MYO3B: variants seen among roughly 807,000 people sequenced by gnomAD.
MYO3B encodes the protein myosin IIIB.
MYO3B carries 156 observed loss-of-function variants against 174.6 expected under a neutral mutation model. The ratio of observed to expected loss-of-function variants is 0.89; its 90% confidence interval spans 0.78 to 1.02. MYO3B has a LOEUF of 1.02. Among genes scored for constraint, MYO3B ranks in the 50% least tolerant of loss-of-function variants. The pLI, the probability that MYO3B is intolerant of heterozygous loss-of-function variation, is 0.00. For missense variants in MYO3B, 1,632 were observed against 1,639.4 expected, an observed-to-expected ratio of 1.00 and a Z score of 0.08; for synonymous variants, 563 against 569.1, an observed-to-expected ratio of 0.99 and a Z score of 0.15.
chr2:170,479,882 C>A (rs566167275), intron 25 of MYO3B, among the ~76,000 whole-genome samples: 1 of 147,838 alleles, frequency 6.8e-6, no homozygotes, highest in South Asian at 2.1e-4. Context: ...TATATATGCA[C>A]ACATATTTAT....
intron 32 of MYO3B, among the ~76,000 whole-genome samples, chr2:170,590,746 A>C (rs924461870): frequency 6.6e-6 from 1 of 152,156 alleles, no homozygotes; most frequent in African/African-American, 2.4e-5. Flanking sequence ...AGAGAAACCC[A>C]AAAGGGGAGA....
At chr2:170,592,804 AG>A (rs1693896524) in intron 32 of MYO3B, among the ~76,000 whole-genome samples, 1 of 152,272 alleles carries the variant, frequency 6.6e-6, no homozygotes. Flanking sequence ...CACCAACTCT[AG>A]GGGGTCTTAC....
At chr2:170,464,463 CAGGT>C (rs1684494437) in intron 24 of MYO3B, among the ~76,000 whole-genome samples, 1 of 151,624 alleles carries the variant, frequency 6.6e-6, no homozygotes, top group South Asian at 2.1e-4. Flanking sequence ...GATGAGAGGT[CAGGT>C]GGATGGGAAG....
In MYO3B at chr2:170,558,084, A is replaced by G. The variant is rs533522931; in HGVS notation, c.3733+14096A>G. ...TGGGAGACCAAGGCGGGCGGATCAC[A>G]AGGTCAGGAGATCAAGACCATCCTG... On this transcript the variant is annotated intron_variant, in intron 32 of 34. Coordinates refer to ENST00000408978, the MANE Select transcript of MYO3B (RefSeq NM_138995.5). Among the ~76,000 whole-genome samples the G allele has an allele frequency of 1.0e-3, 154 of 152,202 alleles. 1 individual carries two copies. Among genetic ancestry groups the G allele is most frequent in the Middle Eastern group, 3.4e-3 (1 of 294 alleles).
At chr2:170,272,466 G>GT (rs1314153233) in intron 7 of MYO3B, among the ~76,000 whole-genome samples, 3 of 152,138 alleles carry the variant, frequency 2.0e-5, no homozygotes, top group African/African-American at 7.2e-5. Flanking sequence ...CTCATCACCA[G>GT]TGGAATACTC....
intron 22 of MYO3B, among the ~76,000 whole-genome samples, chr2:170,428,615 T>C (rs2094684278): frequency 6.6e-6 from 1 of 152,258 alleles, no homozygotes. Flanking sequence ...ACACATGTCC[T>C]GGCCACAGAT....
intron 9 of MYO3B, among the ~76,000 whole-genome samples, chr2:170,373,579 G>A (rs1033986227): frequency 2.0e-5 from 3 of 152,186 alleles, no homozygotes; most frequent in Non-Finnish European, 4.4e-5. Flanking sequence ...AAGAATGCAA[G>A]TTCTTAAAGG....
intron 7 of MYO3B, among the ~76,000 whole-genome samples, chr2:170,268,976 G>T (rs3845733): frequency 5.3e-5 from 8 of 152,066 alleles, no homozygotes; most frequent in Admixed American, 6.5e-5. Context: ...GCATGATTCA[G>T]GTAAGAAAAG....
chr2:170,422,965 ATTTC>A (rs2094628469), intron 22 of MYO3B, among the ~76,000 whole-genome samples: 1 of 98,520 alleles, frequency 1.0e-5, no homozygotes, highest in Non-Finnish European at 2.1e-5. Flanking sequence ...GACCAACCAT[ATTTC>A]TTTCTTTCTT....
At chr2:170,534,080 T>A (rs1240734074) in intron 30 of MYO3B, among the ~76,000 whole-genome samples, 5 of 152,266 alleles carry the variant, frequency 3.3e-5, no homozygotes, top group African/African-American at 4.8e-5. Context: ...CTTGTTTTAT[T>A]CCCTTTTGCT....
chr2:170,220,965 TCC>T (rs2092892124), intron 6 of MYO3B, among the ~76,000 whole-genome samples: 1 of 152,198 alleles, frequency 6.6e-6, no homozygotes, highest in African/African-American at 2.4e-5. Flanking sequence ...AAGCATTTTT[TCC>T]AACAAAGTCT....
At chr2:170,266,457 A>G (rs1016765115) in intron 7 of MYO3B, among the ~76,000 whole-genome samples, 2 of 152,210 alleles carry the variant, frequency 1.3e-5, no homozygotes, top group African/African-American at 4.8e-5. Context: ...ACTAGAAATT[A>G]TAACTCTGGT....
chr2:170,538,458 C>T (rs934393415), intron 30 of MYO3B, among the ~76,000 whole-genome samples: 1 of 152,220 alleles, frequency 6.6e-6, no homozygotes, highest in South Asian at 2.1e-4. Context: ...ACCATGGTGA[C>T]TTCACCTAGT....
At chr2:170,501,509 A>AG (rs938231264) in intron 27 of MYO3B, among the ~76,000 whole-genome samples, 1 of 152,284 alleles carries the variant, frequency 6.6e-6, no homozygotes, top group Admixed American at 6.5e-5. Flanking sequence ...CACCTGGAGT[A>AG]GGGGTCCCAT....
At chr2:170,556,564 C>A (rs927504050) in intron 32 of MYO3B, among the ~76,000 whole-genome samples, 5 of 152,014 alleles carry the variant, frequency 3.3e-5, no homozygotes, top group South Asian at 2.1e-4. Flanking sequence ...TCTTGTTGCC[C>A]AAGCTGGAGT....
intron 31 of MYO3B, 68 bp downstream of exon 31, chr2:170,543,034 A>G: frequency 7.6e-7 from 1 of 1,317,534 alleles, no homozygotes; most frequent in Non-Finnish European, 1.1e-6. Flanking sequence ...GTTCATAGGC[A>G]TGAAGCTTGT....
At chr2:170,581,389 A>G (rs1693141278) in intron 32 of MYO3B, among the ~76,000 whole-genome samples, 1 of 152,164 alleles carries the variant, frequency 6.6e-6, no homozygotes, top group Admixed American at 6.5e-5. Flanking sequence ...TGCAGATTAT[A>G]TGCATTGCAA....
chr2:170,605,714 G>C (rs1462033848), intron 32 of MYO3B, among the ~76,000 whole-genome samples: 1 of 152,112 alleles, frequency 6.6e-6, no homozygotes, highest in Non-Finnish European at 1.5e-5. Context: ...AAAAAAATTA[G>C]CCAGGCTTGG....
intron 25 of MYO3B, among the ~76,000 whole-genome samples, chr2:170,470,066 C>T (rs1018313797): frequency 1.4e-5 from 2 of 143,058 alleles, no homozygotes; most frequent in African/African-American, 5.4e-5. Flanking sequence ...CGTGCCATTG[C>T]CCTCCAGCCT....
Sources: gnomAD v4.1 joint callset for allele counts (sites outside exome capture counted in the v4.1 genomes callset) on GRCh38, gnomAD v4.1.1 for gene constraint, MANE v1.5 for transcripts, NCBI Gene and HGNC (gene_info 2026-07-23, HGNC 2026-07-21) for gene names.